HYCC2: variants seen among roughly 807,000 people sequenced by gnomAD.
HYCC2 encodes the protein hyccin 2.
chr2:201,069,253 C>T, the HYCC2 span, among the ~76,000 whole-genome samples: 1 of 152,184 alleles, frequency 6.6e-6, no homozygotes, highest in African/African-American at 2.4e-5. Flanking sequence ...CTAAAAAACA[C>T]ACTTTCAAGG....
the HYCC2 span, chr2:200,976,037 G>A: frequency 6.6e-6 from 1 of 152,078 alleles, no homozygotes. Flanking sequence ...GTTTTACACT[G>A]CATTCCATCT....
chr2:200,997,243 A>C, the HYCC2 span: 1 of 444,842 alleles, frequency 2.2e-6, no homozygotes, highest in Non-Finnish European at 4.1e-6. Flanking sequence ...CGACAGAGAG[A>C]AATCCTATCT....
At chr2:201,024,314 C>A in the HYCC2 span, among the ~76,000 whole-genome samples, 3 of 151,878 alleles carry the variant, frequency 2.0e-5, no homozygotes, top group Non-Finnish European at 4.4e-5. Flanking sequence ...ACAGTGAGAC[C>A]TTGTCTCTAC....
chr2:200,999,642 G>A, the HYCC2 span, among the ~76,000 whole-genome samples: 9 of 149,196 alleles, frequency 6.0e-5, no homozygotes, highest in South Asian at 6.4e-4. Context: ...TGCCTGCCTC[G>A]GCCTCCCAAA....
At chr2:200,981,622 TC>T in the HYCC2 span, 1 of 1,614,130 alleles carries the variant, frequency 6.2e-7, no homozygotes, top group Non-Finnish European at 8.5e-7. The surrounding 1 kb of genome is among the most constrained non-coding windows in gnomAD (Gnocchi z 4.5). Flanking sequence ...TACACTAAGA[TC>T]AGTTGGTTGC....
At chr2:200,995,675 C>T in the HYCC2 span, among the ~76,000 whole-genome samples, 84 of 152,138 alleles carry the variant, frequency 5.5e-4, no homozygotes, top group Non-Finnish European at 7.5e-4. Context: ...TCAATTCTGC[C>T]AACAAAACTT....
the HYCC2 span, among the ~76,000 whole-genome samples, chr2:201,007,702 G>A: frequency 6.6e-6 from 1 of 152,218 alleles, no homozygotes; most frequent in Non-Finnish European, 1.5e-5. Flanking sequence ...TTAGGTAGGA[G>A]TTGGCCATGC....
chr2:201,048,606 C>T, the HYCC2 span, among the ~76,000 whole-genome samples: 2 of 151,102 alleles, frequency 1.3e-5, no homozygotes, highest in Admixed American at 1.3e-4. Flanking sequence ...CCAGGGAAGC[C>T]AAAAGAGTAG....
At chr2:200,999,278 T>TA in the HYCC2 span, among the ~76,000 whole-genome samples, 2 of 152,164 alleles carry the variant, frequency 1.3e-5, no homozygotes, top group East Asian at 3.9e-4. Flanking sequence ...TGCAAAACTT[T>TA]AAAAAAAATT....
chr2:201,016,447 C>T, the HYCC2 span, among the ~76,000 whole-genome samples: 4 of 152,076 alleles, frequency 2.6e-5, no homozygotes, highest in Non-Finnish European at 5.9e-5. Context: ...TGCCACCATG[C>T]CCAGCTAATT....
chr2:201,045,554 G>C, the HYCC2 span: 1 of 398,318 alleles, frequency 2.5e-6, no homozygotes, highest in Non-Finnish European at 4.4e-6. Flanking sequence ...CAGAGTTCAA[G>C]TGGGGAATTC....
At chr2:201,049,587 T>C in the HYCC2 span, among the ~76,000 whole-genome samples, 26 of 151,542 alleles carry the variant, frequency 1.7e-4, no homozygotes, top group East Asian at 2.3e-3. Context: ...TCCTCTGACC[T>C]CGTGATCCAC....
At chr2:200,975,114 T>C in the HYCC2 span, 1 of 151,988 alleles carries the variant, frequency 6.6e-6, no homozygotes, top group Non-Finnish European at 1.5e-5. Flanking sequence ...AGATTTAGCT[T>C]TAACGGGTAC....
the HYCC2 span, among the ~76,000 whole-genome samples, chr2:201,006,463 T>A: frequency 6.6e-6 from 1 of 151,768 alleles, no homozygotes; most frequent in Non-Finnish European, 1.5e-5. Context: ...AATAAATGAG[T>A]TTTGCAATGT....
the HYCC2 span, among the ~76,000 whole-genome samples, chr2:201,036,223 A>G: frequency 6.6e-6 from 1 of 152,190 alleles, no homozygotes; most frequent in Non-Finnish European, 1.5e-5. Flanking sequence ...TTGACCAATA[A>G]CAGGCTCTGA....
the HYCC2 span, among the ~76,000 whole-genome samples, chr2:201,051,695 G>C: frequency 0.22 from 33,126 of 152,094 alleles, 4,476 homozygotes; most frequent in African/African-American, 0.38. Flanking sequence ...TAAAGCGGAG[G>C]ATATACCATG....
the HYCC2 span, chr2:201,024,041 T>G: frequency 8.3e-6 from 13 of 1,571,644 alleles, no homozygotes; most frequent in South Asian, 3.3e-5. Context: ...CTTTTATCTC[T>G]AAAAGAAAAA....
chr2:200,976,604 A>G, the HYCC2 span: 1 of 152,190 alleles, frequency 6.6e-6, no homozygotes, highest in Non-Finnish European at 1.5e-5. Context: ...TGTCTAATAA[A>G]CAATTTTAAT....
the HYCC2 span, among the ~76,000 whole-genome samples, chr2:201,047,485 A>AG: frequency 7.2e-6 from 1 of 138,488 alleles, no homozygotes; most frequent in East Asian, 1.9e-4. Flanking sequence ...CATATAAAAC[A>AG]GAAGTCCTAG....
Sources: allele counts gnomAD v4.1 joint callset (sites outside exome capture counted in the v4.1 genomes callset), GRCh38; gene constraint gnomAD v4.1.1; non-coding constraint Gnocchi (gnomAD v3.1); transcripts MANE v1.5; gene names NCBI Gene and HGNC (gene_info 2026-07-23, HGNC 2026-07-21).